PTPN21: variants seen among roughly 807,000 people sequenced by gnomAD.
PTPN21 encodes protein tyrosine phosphatase non-receptor type 21, also known as tyrosine-protein phosphatase non-receptor type 21.
In PTPN21, 77 loss-of-function variants were observed where a neutral mutation model predicts 131.8. That is an observed-to-expected ratio of 0.58 (90% CI 0.49 to 0.71). PTPN21 has a LOEUF of 0.71. Among genes scored for constraint, PTPN21 ranks in the 30% least tolerant of loss-of-function variants. The probability of loss-of-function intolerance (pLI) is 0.00; values close to 1 mark genes in which losing one functional copy is unlikely to be tolerated. For synonymous variants in PTPN21, 715 were observed against 621.3 expected, an observed-to-expected ratio of 1.15 and a Z score of -2.24; for missense variants, 1,552 against 1,527.1, an observed-to-expected ratio of 1.02 and a Z score of -0.27.
intron 2 of PTPN21, among the ~76,000 whole-genome samples, chr14:88,542,449 C>T (rs2078719799): frequency 6.6e-6 from 1 of 152,140 alleles, no homozygotes; most frequent in Admixed American, 6.6e-5. Context: ...CCTGAGACTA[C>T]ACTACTGTGA....
intron 2 of PTPN21, among the ~76,000 whole-genome samples, chr14:88,524,398 G>A (rs1340884265): frequency 6.6e-6 from 1 of 152,122 alleles, no homozygotes; most frequent in Non-Finnish European, 1.5e-5. Context: ...AGCAAATGGT[G>A]CTGGGGCAAC....
chr14:88,523,176 T>C lies in PTPN21; in HGVS notation c.181-5915A>G, dbSNP rs530323828. Among the ~76,000 whole-genome samples the C allele has an allele frequency of 9.2e-5, 14 of 152,044 alleles. No homozygotes were observed. The South Asian group carries it at 1.2e-3, about 14-fold the overall frequency. The stretch of plus-strand genomic sequence containing the variant: ...ACTATAGACCGACATCCCTTGTAAA[T>C]ATAGATGCAAAAATCCTAAGCAAAT... On this transcript the variant is annotated intron_variant, in intron 2 of 18. Transcript: ENST00000556564.
At chr14:88,545,722 G>A (rs2078766955) in intron 2 of PTPN21, among the ~76,000 whole-genome samples, 1 of 152,138 alleles carries the variant, frequency 6.6e-6, no homozygotes, top group Admixed American at 6.5e-5. Flanking sequence ...CAGCACTTTG[G>A]GAGACCGAGG....
chr14:88,491,713 A>T (rs73315954), intron 10 of PTPN21, among the ~76,000 whole-genome samples: 5,613 of 152,312 alleles, frequency 0.037, 347 homozygotes, highest in African/African-American at 0.13. Context: ...TTCCCTACAG[A>T]ATGAATCATA....
Position 88,506,859 on chromosome 14 carries a change from T to C in PTPN21, c.448+1064A>G, listed in dbSNP as rs1049958694. The stretch of plus-strand genomic sequence containing the variant: ...GAGTTTGAGACCAGCCTGGCCAACA[T>C]GGTGAAACCCCATCTTTACTAAAAA... On this transcript the variant is annotated intron_variant, in intron 4 of 18. Transcript: ENST00000556564. Among the ~76,000 whole-genome samples, 11 of 152,150 alleles carry C rather than the reference T, an allele frequency of 7.2e-5. No individual in the cohort carries two copies. The East Asian group carries it at 1.7e-3, about 24-fold the overall frequency.
intron 2 of PTPN21, among the ~76,000 whole-genome samples, chr14:88,534,140 G>A (rs1333167663): frequency 6.6e-6 from 1 of 151,980 alleles, no homozygotes; most frequent in Non-Finnish European, 1.5e-5. Flanking sequence ...GGGAGGCCAA[G>A]GTGAGTGGAT....
intron 2 of PTPN21, among the ~76,000 whole-genome samples, chr14:88,549,664 T>C (rs1344351346): frequency 6.6e-6 from 1 of 152,040 alleles, no homozygotes; most frequent in East Asian, 1.9e-4. Context: ...AGTGCTGTGA[T>C]CTCAGCTCAC....
chr14:88,545,583 CAGA>C (rs2078764207), intron 2 of PTPN21, among the ~76,000 whole-genome samples: 1 of 152,182 alleles, frequency 6.6e-6, no homozygotes, highest in Admixed American at 6.5e-5. Context: ...TTTTGAAACT[CAGA>C]AGAATGATAG....
chr14:88,535,030 CG>C (rs1407443239), intron 2 of PTPN21, among the ~76,000 whole-genome samples: 2 of 152,142 alleles, frequency 1.3e-5, no homozygotes, highest in Non-Finnish European at 2.9e-5. Flanking sequence ...GCGCCATTCA[CG>C]GTAAGTACCC....
chr14:88,524,007 G>A (rs1235743026), intron 2 of PTPN21, among the ~76,000 whole-genome samples: 1 of 152,144 alleles, frequency 6.6e-6, no homozygotes, highest in Non-Finnish European at 1.5e-5. Context: ...GATATCCCAT[G>A]TTCATAGACT....
At chr14:88,546,915 T>C (rs1029209304) in intron 2 of PTPN21, among the ~76,000 whole-genome samples, 1 of 152,204 alleles carries the variant, frequency 6.6e-6, no homozygotes, top group Non-Finnish European at 1.5e-5. Flanking sequence ...AAGAAAAAGT[T>C]TGCTATACAA....
chr14:88,513,097 T>C (rs948157863), intron 3 of PTPN21, among the ~76,000 whole-genome samples: 1 of 152,218 alleles, frequency 6.6e-6, no homozygotes, highest in African/African-American at 2.4e-5. Flanking sequence ...AGGTTTTTTT[T>C]AAAGTATTAT....
intron 12 of PTPN21, among the ~76,000 whole-genome samples, chr14:88,484,135 C>G (rs541228431): frequency 2.0e-5 from 3 of 151,970 alleles, no homozygotes; most frequent in Non-Finnish European, 4.4e-5. Context: ...CCTCCACCCC[C>G]ACCTTGGGCT....
intron 2 of PTPN21, among the ~76,000 whole-genome samples, chr14:88,520,921 G>A (rs1450746215): frequency 6.6e-6 from 1 of 152,078 alleles, no homozygotes; most frequent in Non-Finnish European, 1.5e-5. Flanking sequence ...ACGGCTCACT[G>A]CAACTTCAAA....
At chr14:88,521,968 T>C (rs2078401147) in intron 2 of PTPN21, among the ~76,000 whole-genome samples, 1 of 152,220 alleles carries the variant, frequency 6.6e-6, no homozygotes, top group African/African-American at 2.4e-5. Flanking sequence ...TAAAATATGC[T>C]AACTTTATCA....
At chr14:88,486,642 C>T (rs959480865) in intron 10 of PTPN21, among the ~76,000 whole-genome samples, 12 of 152,106 alleles carry the variant, frequency 7.9e-5, no homozygotes, top group Non-Finnish European at 1.2e-4. Context: ...ATTTACCTTT[C>T]TTTGCAAGAA....
chr14:88,479,494 C>A lies in PTPN21; in HGVS notation c.1937G>T (p.Gly646Val). ...CTCCTTGAGCCGCAGGCCCTCCAGG[C>A]CGTGGCTGAGCCCGGCCACCTCGAT... is the stretch of plus-strand genomic sequence containing the variant. ...NSIEVAGLSHGLEGLRLKERT... is the reference protein window; with the variant it reads ...NSIEVAGLSHVLEGLRLKERT... The change falls in exon 13 of 19, where the codon GGC becomes GTC. Residue 646 changes from glycine to valine, a missense_variant. Physicochemically the swap from Gly to Val is moderately radical, Grantham distance 109. Around this residue, in one of 4 missense-constraint regions of PTPN21, gnomAD observed 1,016 missense variants for 883.5 expected, o/e 1.15. Coordinates refer to ENST00000556564, the MANE Select transcript of PTPN21 (RefSeq NM_007039.4). 1 of 1,601,506 alleles carries A rather than the reference C, an allele frequency of 6.2e-7. No homozygotes were observed. Among genetic ancestry groups the A allele is most frequent in the East Asian group, 2.2e-5 (1 of 44,802 alleles).
chr14:88,493,131 A>G (rs763159528), intron 10 of PTPN21: 1 of 455,542 alleles, frequency 2.2e-6, no homozygotes, highest in South Asian at 1.6e-5. Context: ...CAATAATGGG[A>G]TAGTAATAAT....
At position 88,532,461 on chromosome 14, in the gene PTPN21, C is replaced by T. The variant is rs552432149; in HGVS notation, c.181-15200G>A. Reference sequence around the variant, plus strand: ...CTATACTTACGTCAAGATTTTGTGCCGTTTGACAGTTAACTGGCAACCTCA... The same window carrying T: ...CTATACTTACGTCAAGATTTTGTGCTGTTTGACAGTTAACTGGCAACCTCA... On this transcript the variant is annotated intron_variant, in intron 2 of 18. Transcript: ENST00000556564. Among the ~76,000 whole-genome samples, 194 of 152,158 alleles carry T rather than the reference C, an allele frequency of 1.3e-3. 1 individual carries two copies. Among genetic ancestry groups the T allele is most frequent in the African/African-American group, 4.5e-3 (187 of 41,508 alleles).
Sources: gnomAD v4.1 joint callset for allele counts (sites outside exome capture counted in the v4.1 genomes callset) on GRCh38, gnomAD v4.1.1 for gene constraint, gnomAD v4.1.1 regional missense constraint, MANE v1.5 for transcripts, NCBI Gene and HGNC (gene_info 2026-07-23, HGNC 2026-07-21) for gene names.